DIS3: variants seen among roughly 807,000 people sequenced by gnomAD.
The protein encoded by DIS3 is exosome complex exonuclease RRP44.
Under a neutral mutation model 113.0 loss-of-function variants are expected in DIS3, and 103 were observed. The observed-to-expected ratio is 0.91, with a 90% CI of 0.78 to 1.07. The LOEUF (loss-of-function observed/expected upper bound fraction) is 1.07, where lower values mean the gene tolerates loss of function less well. Ranked by LOEUF, DIS3 falls within the 50% of genes least tolerant of loss-of-function variation. DIS3 has a pLI of 0.00. For synonymous variants in DIS3, 402 were observed against 394.3 expected, an observed-to-expected ratio of 1.02 and a Z score of -0.23; for missense variants, 1,121 against 1,167.1, an observed-to-expected ratio of 0.96 and a Z score of 0.58.
At position 72,755,222 on chromosome 13, in the gene DIS3, C is replaced by T. The variant is rs757208593; in HGVS notation, c.*4573G>A. 2 of 1,603,284 alleles carry T rather than the reference C, an allele frequency of 1.2e-6. No individual in the cohort carries two copies. The highest frequency in any genetic ancestry group is 8.5e-7 in the Non-Finnish European group (1 of 1,170,748). On this transcript the variant is annotated 3_prime_UTR_variant, in exon 21 of 21. Transcript: ENST00000377767. Reference sequence around the variant, plus strand: ...TTCAATGCAGCAGTCCATAGAATGCCTCTGTCAGAATCAAAGACTAAGCTT... The same window carrying T: ...TTCAATGCAGCAGTCCATAGAATGCTTCTGTCAGAATCAAAGACTAAGCTT...
intron 13 of DIS3, among the ~76,000 whole-genome samples, chr13:72,769,600 C>A (rs2033838706): frequency 6.6e-6 from 1 of 151,742 alleles, no homozygotes; most frequent in African/African-American, 2.4e-5. Context: ...CTGGGAGAGC[C>A]AACTCATCTA....
chr13:72,762,551 A>G (rs1468733434), intron 16 of DIS3, among the ~76,000 whole-genome samples: 1 of 152,216 alleles, frequency 6.6e-6, no homozygotes, highest in Non-Finnish European at 1.5e-5. Flanking sequence ...CAATGCCATC[A>G]TGATCGAATA....
At chr13:72,762,647 T>C (rs1026365317) in intron 16 of DIS3, among the ~76,000 whole-genome samples, 3 of 152,074 alleles carry the variant, frequency 2.0e-5, no homozygotes, top group Non-Finnish European at 4.4e-5. Flanking sequence ...GGAAAAGCAA[T>C]GTAGGCCATA....
intron 3 of DIS3, among the ~76,000 whole-genome samples, chr13:72,777,941 TC>T (rs1246990358): frequency 6.6e-6 from 1 of 152,098 alleles, no homozygotes; most frequent in Non-Finnish European, 1.5e-5. Context: ...AAGCAGGGGT[TC>T]CAGTATATTT....
At chr13:72,760,870 T>C (rs2033606461) in intron 19 of DIS3, among the ~76,000 whole-genome samples, 1 of 152,122 alleles carries the variant, frequency 6.6e-6, no homozygotes, top group Non-Finnish European at 1.5e-5. Context: ...CTAATATATA[T>C]GTTCATTAAA....
Position 72,763,573 on chromosome 13 carries a change from G to GTAACA in DIS3, c.2000_2004dup (p.Leu669CysfsTer70), listed in dbSNP as rs775944186. On this transcript the variant is annotated frameshift_variant, in exon 16 of 21. Transcript: ENST00000377767. LOFTEE classifies it high-confidence loss of function. ...TTTTTTGCAACAGAAATATTGGCAA[G>GTAACA]TAACATAAATTCTTCAACCATGGAA... The GTAACA allele has an allele frequency of 1.9e-6, 3 of 1,613,250 alleles. No homozygotes were observed. Among genetic ancestry groups the GTAACA allele is most frequent in the Non-Finnish European group, 2.5e-6 (3 of 1,179,812 alleles).
intron 15 of DIS3, among the ~76,000 whole-genome samples, chr13:72,765,181 G>A (rs1451640104): frequency 2.6e-5 from 4 of 152,056 alleles, no homozygotes; most frequent in Admixed American, 2.6e-4. Context: ...AACAACAATA[G>A]CTAATATCAC....
intron 16 of DIS3, among the ~76,000 whole-genome samples, chr13:72,762,808 T>A (rs1425830866): frequency 6.6e-6 from 1 of 152,028 alleles, no homozygotes; most frequent in Non-Finnish European, 1.5e-5. Context: ...TGGAAAGGAT[T>A]TAACTGAGTT....
Position 72,762,832 on chromosome 13 carries a change from A to T in DIS3, c.2127+619T>A, listed in dbSNP as rs182076801. On this transcript the variant is annotated intron_variant, in intron 16 of 20. Coordinates refer to ENST00000377767, the MANE Select transcript of DIS3 (RefSeq NM_014953.5). ...TTTAACTGAGTTGAAGTAAATAAAT[A>T]AAAAAAAAAAATACATTATTTGTAA... Among the ~76,000 whole-genome samples the T allele has an allele frequency of 8.7e-4, 105 of 120,112 alleles. 1 individual carries two copies. The East Asian group carries it at 0.021, about 24-fold the overall frequency. 78.8% of individuals were successfully genotyped at this position (120,112 alleles called of 152,430 possible). A position where few individuals can be genotyped will look rare whatever the true frequency, so the allele number is the denominator to read the frequency against.
chr13:72,766,573 C>T (rs559908758), intron 14 of DIS3, among the ~76,000 whole-genome samples: 4 of 152,286 alleles, frequency 2.6e-5, no homozygotes, highest in South Asian at 4.2e-4. Context: ...AACCTAGTAT[C>T]ACTAATAGGT....
intron 15 of DIS3, 91 bp from the exon 16 acceptor site, chr13:72,763,698 A>C: frequency 1.6e-6 from 2 of 1,253,424 alleles, no homozygotes; most frequent in Non-Finnish European, 2.2e-6. Flanking sequence ...TGTTACCAAG[A>C]AGATAATAAG....
intron 13 of DIS3, among the ~76,000 whole-genome samples, chr13:72,770,458 C>G (rs556982629): frequency 4.6e-5 from 7 of 152,232 alleles, no homozygotes; most frequent in Admixed American, 1.3e-4. Flanking sequence ...CTGAAAAATT[C>G]TCAAGAAGTG....
chr13:72,776,103 A>C lies in DIS3; in HGVS notation c.655-11T>G. ...ACTTTCTATTTCATTCTATGAAAGA[A>C]GCAAACCAAAAGATGCCGCTAATAA... On this transcript the variant is annotated splice_polypyrimidine_tract_variant and intron_variant, in intron 4 of 20. Coordinates refer to ENST00000377767, the MANE Select transcript of DIS3 (RefSeq NM_014953.5). The C allele has an allele frequency of 4.4e-6, 7 of 1,582,660 alleles. No homozygotes were observed. The highest frequency in any genetic ancestry group is 6.0e-6 in the Non-Finnish European group (7 of 1,170,766).
At chr13:72,773,388 G>A (rs1019484045) in intron 8 of DIS3, among the ~76,000 whole-genome samples, 1 of 152,068 alleles carries the variant, frequency 6.6e-6, no homozygotes, top group Non-Finnish European at 1.5e-5. Context: ...CTTGAACCTG[G>A]GAGGCTGAGG....
intron 8 of DIS3, 121 bp from the exon 9 acceptor site, chr13:72,772,960 T>A: frequency 8.7e-7 from 1 of 1,153,522 alleles, no homozygotes; most frequent in Non-Finnish European, 1.2e-6. Context: ...TAACGATTTC[T>A]GAAAAATGAC....
In DIS3 at chr13:72,781,587, GT is replaced by G; in HGVS notation, c.228+17del. 1 of 1,488,376 alleles carries G rather than the reference GT, an allele frequency of 6.7e-7. No homozygotes were observed. Among genetic ancestry groups the G allele is most frequent in the Non-Finnish European group, 9.0e-7 (1 of 1,115,400 alleles). The allele number at this position is 1,488,376 out of a possible 1,614,324, so 92.2% of individuals were successfully genotyped here. ...TCCCCGTGGGGCCGCGCTGTCCGCGGTTCGCCCGCCCACGCACCTGGTGCAG... is the reference window on the plus strand; with the variant it reads ...TCCCCGTGGGGCCGCGCTGTCCGCGGTCGCCCGCCCACGCACCTGGTGCAG... On this transcript the variant is annotated intron_variant, in intron 1 of 20. Transcript: ENST00000377767.
rs1270423950 is a variant in DIS3 at position 72,753,608 on chromosome 13, G to A, written c.*6187C>T. On this transcript the variant is annotated 3_prime_UTR_variant, in exon 21 of 21. Transcript: ENST00000377767. ...TTAGGATCATTCAGATGTAGTGAAT[G>A]AGAGTTTATAGTGGTTTACTTATTT... The A allele has an allele frequency of 1.4e-6, 2 of 1,383,434 alleles. No homozygotes were observed. Among genetic ancestry groups the A allele is most frequent in the African/African-American group, 2.9e-5 (2 of 69,052 alleles). 85.7% of individuals were successfully genotyped at this position (1,383,434 alleles called of 1,614,324 possible).
chr13:72,779,577 T>C (rs2034103885), intron 2 of DIS3, among the ~76,000 whole-genome samples: 1 of 152,168 alleles, frequency 6.6e-6, no homozygotes, highest in African/African-American at 2.4e-5. Context: ...CTGGTATTCT[T>C]TACAAGAACA....
rs1036872939 is a variant in DIS3, at chr13:72,753,345, G to A, written c.*6450C>T. 9 of 170,072 alleles carry A rather than the reference G, an allele frequency of 5.3e-5. No homozygotes were observed. Among genetic ancestry groups the A allele is most frequent in the Non-Finnish European group, 1.1e-4 (9 of 79,882 alleles). The allele number at this position is 170,072 out of a possible 1,614,324, so 10.5% of individuals were successfully genotyped here. On this transcript the variant is annotated 3_prime_UTR_variant, in exon 21 of 21. Coordinates refer to ENST00000377767, the MANE Select transcript of DIS3 (RefSeq NM_014953.5). Reference sequence around the variant, plus strand: ...CCTCAAGCCATTTAGAGACAAGCCTGGAAAATGCGTTGGAAGGTGAAGTTA... The same window carrying A: ...CCTCAAGCCATTTAGAGACAAGCCTAGAAAATGCGTTGGAAGGTGAAGTTA...
Sources: allele counts gnomAD v4.1 joint callset (sites outside exome capture counted in the v4.1 genomes callset), GRCh38; gene constraint gnomAD v4.1.1; transcripts MANE v1.5; gene names NCBI Gene and HGNC (gene_info 2026-07-23, HGNC 2026-07-21).